Variants in NXPH1 observed in about 807,000 individuals in gnomAD.
NXPH1 encodes neurexophilin-1.
A neutral mutation model predicts 23.7 loss-of-function variants in NXPH1; 5 were observed. The observed-to-expected ratio is 0.21, with a 90% CI of 0.11 to 0.44. The LOEUF (loss-of-function observed/expected upper bound fraction) is 0.44, where lower values mean the gene tolerates loss of function less well. NXPH1 is among the 20% of genes least tolerant of loss of function. The probability of loss-of-function intolerance (pLI) is 0.99; values close to 1 mark genes in which losing one functional copy is unlikely to be tolerated. For missense variants in NXPH1, 324 were observed against 321.6 expected (o/e 1.01, Z -0.06); for synonymous variants, 144 against 122.2 (o/e 1.18, Z -1.18).
Position 8,707,580 on chromosome 7 carries a change from G to A in NXPH1, c.55-43428G>A, listed in dbSNP as rs537472990. 3.3e-5 allele frequency among the ~76,000 whole-genome samples: 5 copies of A among 152,052 alleles called. No individual in the cohort carries two copies. The South Asian group carries it at 6.2e-4, about 19-fold the overall frequency. ...TTCTGCTTTTACCATTACATTGAAT[G>A]GCAATGAGTATATATATATATACTC... On this transcript the variant is annotated intron_variant, in intron 2 of 2. Coordinates refer to ENST00000405863, the MANE Select transcript of NXPH1 (RefSeq NM_152745.3).
chr7:8,541,972 C>T (rs1294197756), intron 2 of NXPH1, among the ~76,000 whole-genome samples: 2 of 150,872 alleles, frequency 1.3e-5, no homozygotes, highest in Admixed American at 6.6e-5. Context: ...AAACTAATAG[C>T]GAGATAATGA....
chr7:8,738,298 A>G (rs1583254840), intron 2 of NXPH1, among the ~76,000 whole-genome samples: 1 of 152,132 alleles, frequency 6.6e-6, no homozygotes, highest in East Asian at 1.9e-4. Context: ...TGACCTTTGG[A>G]TGGGGTTTCT....
chr7:8,550,606 A>G (rs2128619584), intron 2 of NXPH1, among the ~76,000 whole-genome samples: 1 of 151,682 alleles, frequency 6.6e-6, no homozygotes, highest in South Asian at 2.1e-4. Context: ...TAGACATATT[A>G]TATGCAAAAT....
At chr7:8,459,126 T>C (rs796972899) in intron 2 of NXPH1, among the ~76,000 whole-genome samples, 4 of 152,114 alleles carry the variant, frequency 2.6e-5, no homozygotes, top group African/African-American at 9.6e-5. Flanking sequence ...GTTAACTTAA[T>C]GAACATCTTG....
At chr7:8,602,879 A>T (rs187129413) in intron 2 of NXPH1, among the ~76,000 whole-genome samples, 1 of 152,026 alleles carries the variant, frequency 6.6e-6, no homozygotes, top group Non-Finnish European at 1.5e-5. Context: ...CCCAGGCTGG[A>T]GTGCAGTGGC....
chr7:8,651,530 C>A (rs992727338), intron 2 of NXPH1, among the ~76,000 whole-genome samples: 3 of 151,590 alleles, frequency 2.0e-5, no homozygotes, highest in African/African-American at 7.3e-5. Context: ...AGTTCTAGAT[C>A]CCTGAGGAAT....
At chr7:8,454,270 G>A (rs17148964) in intron 2 of NXPH1, among the ~76,000 whole-genome samples, 5 of 152,100 alleles carry the variant, frequency 3.3e-5, no homozygotes, top group African/African-American at 9.7e-5. Context: ...ATGGAATTTT[G>A]TAAGAGAAAG....
intron 2 of NXPH1, among the ~76,000 whole-genome samples, chr7:8,506,908 A>T (rs555389296): frequency 2.1e-4 from 32 of 152,144 alleles, no homozygotes; most frequent in African/African-American, 6.5e-4. Flanking sequence ...AGCTCATGTG[A>T]AGGTTTGGTT....
chr7:8,682,515 T>G (rs1179527777), intron 2 of NXPH1, among the ~76,000 whole-genome samples: 1 of 152,224 alleles, frequency 6.6e-6, no homozygotes, highest in Non-Finnish European at 1.5e-5. Flanking sequence ...CCAAATTCCT[T>G]TGCTCCATAT....
chr7:8,679,307 T>A (rs1821015071), intron 2 of NXPH1, among the ~76,000 whole-genome samples: 1 of 152,130 alleles, frequency 6.6e-6, no homozygotes, highest in Non-Finnish European at 1.5e-5. Context: ...AAAGAACACG[T>A]TCAAGTGTAA....
intron 2 of NXPH1, among the ~76,000 whole-genome samples, chr7:8,624,121 T>G (rs181107485): frequency 4.6e-5 from 7 of 152,108 alleles, no homozygotes; most frequent in African/African-American, 1.4e-4. Flanking sequence ...GGAGCAGATG[T>G]GCAGTGATAA....
chr7:8,678,984 T>C (rs895494596), intron 2 of NXPH1, among the ~76,000 whole-genome samples: 2 of 138,114 alleles, frequency 1.4e-5, no homozygotes, highest in African/African-American at 2.8e-5. Flanking sequence ...AGTCTCGCTC[T>C]GTCACCCAGG....
intron 2 of NXPH1, among the ~76,000 whole-genome samples, chr7:8,599,766 C>A (rs949138708): frequency 4.7e-5 from 7 of 150,218 alleles, no homozygotes; most frequent in Non-Finnish European, 1.0e-4. Context: ...TTTAACCACA[C>A]TTGTTCATAA....
intron 2 of NXPH1, among the ~76,000 whole-genome samples, chr7:8,510,669 A>T (rs1017057116): frequency 5.9e-5 from 9 of 152,156 alleles, no homozygotes. Context: ...ATACAAATAC[A>T]TAGTCATATA....
intron 2 of NXPH1, among the ~76,000 whole-genome samples, chr7:8,531,734 T>C (rs758127742): frequency 6.6e-6 from 1 of 152,202 alleles, no homozygotes; most frequent in Non-Finnish European, 1.5e-5. Context: ...AGAAAGATGA[T>C]GAGTTAATAT....
Position 8,752,176 on chromosome 7 carries a change from G to A in NXPH1, c.*407G>A, listed in dbSNP as rs1780576776. On this transcript the variant is annotated 3_prime_UTR_variant, in exon 3 of 3. Coordinates refer to ENST00000405863, the MANE Select transcript of NXPH1 (RefSeq NM_152745.3). ...AATGTTTCTAACAGTTGCTGTTATG[G>A]AAATCTCTTTTAAAGTCTTGAGTAC... 1 of 175,074 alleles carries A rather than the reference G, an allele frequency of 5.7e-6. No homozygotes were observed. Among genetic ancestry groups the A allele is most frequent in the Admixed American group, 5.4e-5 (1 of 18,540 alleles). 10.8% of individuals were successfully genotyped at this position (175,074 alleles called of 1,614,324 possible).
Position 8,744,292 on chromosome 7 carries a change from AATGGGCATTGGCCAC to A in NXPH1, c.55-6715_55-6701del, listed in dbSNP as rs1780431480. On this transcript the variant is annotated intron_variant, in intron 2 of 2. Transcript: ENST00000405863. The stretch of plus-strand genomic sequence containing the variant: ...GAACTAGAGAGCCAGCTCCTTTGGT[AATGGGCATTGGCCAC>A]TTTTGACATGGAAAATTATCCTCAG... Among the ~76,000 whole-genome samples the A allele has an allele frequency of 5.0e-4, 76 of 152,220 alleles. 1 individual carries two copies. The highest frequency in any genetic ancestry group is 4.9e-3 in the Admixed American group (75 of 15,284).
intron 2 of NXPH1, among the ~76,000 whole-genome samples, chr7:8,747,904 ATGAG>A (rs1264705914): frequency 6.6e-6 from 1 of 152,216 alleles, no homozygotes. Flanking sequence ...CCTTCAGAAA[ATGAG>A]TGGGAAAGCT....
chr7:8,651,874 T>C (rs948350483), intron 2 of NXPH1, among the ~76,000 whole-genome samples: 3 of 152,194 alleles, frequency 2.0e-5, no homozygotes, highest in Non-Finnish European at 2.9e-5. Flanking sequence ...TTAGTTCTTT[T>C]TTGTGTAGTC....
Sources: gnomAD v4.1 joint callset for allele counts (sites outside exome capture counted in the v4.1 genomes callset) on GRCh38, gnomAD v4.1.1 for gene constraint, MANE v1.5 for transcripts, NCBI Gene and HGNC (gene_info 2026-07-23, HGNC 2026-07-21) for gene names.